GRID2: variants seen among roughly 807,000 people sequenced by gnomAD.
GRID2 encodes glutamate ionotropic receptor delta type subunit 2.
GRID2 carries 33 observed loss-of-function variants against 114.8 expected under a neutral mutation model. That is an observed-to-expected ratio of 0.29 (90% CI 0.22 to 0.38). The LOEUF is 0.38. GRID2 is among the 10% of genes least tolerant of loss of function. GRID2 has a pLI of 1.00. For synonymous variants in GRID2, 505 were observed against 449.9 expected, an observed-to-expected ratio of 1.12 and a Z score of -1.55; for missense variants, 1,184 against 1,257.7, an observed-to-expected ratio of 0.94 and a Z score of 0.89.
At chr4:93,747,723 A>G (rs982464929) in intron 14 of GRID2, among the ~76,000 whole-genome samples, 9 of 152,068 alleles carry the variant, frequency 5.9e-5, no homozygotes, top group Non-Finnish European at 1.3e-4. Context: ...CATACTAAAA[A>G]TCAATGTCAA....
chr4:92,590,041 T>C (rs1192663356), intron 1 of GRID2, 90 bp from the exon 2 acceptor site: 7 of 852,248 alleles, frequency 8.2e-6, no homozygotes, highest in East Asian at 2.5e-5. Context: ...GTATATGTTT[T>C]TTAAACACAT....
intron 1 of GRID2, among the ~76,000 whole-genome samples, chr4:92,383,753 A>T (rs1387179627): frequency 6.6e-6 from 1 of 151,920 alleles, no homozygotes; most frequent in Non-Finnish European, 1.5e-5. Context: ...TTCAAGCTTC[A>T]CTATAAAGTG....
intron 2 of GRID2, among the ~76,000 whole-genome samples, chr4:92,618,225 A>G (rs920646842): frequency 6.6e-6 from 1 of 151,712 alleles, no homozygotes; most frequent in African/African-American, 2.4e-5. Flanking sequence ...TTTTCTGCCT[A>G]TGGATATCCA....
chr4:93,341,346 ACAGAGT>A (rs1357956966), intron 8 of GRID2, among the ~76,000 whole-genome samples: 1 of 150,736 alleles, frequency 6.6e-6, no homozygotes, highest in Non-Finnish European at 1.5e-5. Flanking sequence ...TTTCTTTGAG[ACAGAGT>A]CTCACTCTGT....
At chr4:92,427,323 GA>G (rs1732211034) in intron 1 of GRID2, among the ~76,000 whole-genome samples, 1 of 152,006 alleles carries the variant, frequency 6.6e-6, no homozygotes, top group African/African-American at 2.4e-5. Context: ...ATATTTTGAT[GA>G]ATGAATGAAT....
At chr4:92,917,301 T>G (rs1252347627) in intron 2 of GRID2, among the ~76,000 whole-genome samples, 3 of 152,302 alleles carry the variant, frequency 2.0e-5, no homozygotes, top group African/African-American at 4.8e-5. Flanking sequence ...TTTCTCCCAT[T>G]CTGTAGGTTG....
intron 1 of GRID2, among the ~76,000 whole-genome samples, chr4:92,479,037 C>T (rs1025386134): frequency 4.6e-5 from 7 of 151,960 alleles, no homozygotes; most frequent in African/African-American, 7.3e-5. Context: ...TGTCAAAATT[C>T]GTTACAGTGA....
At chr4:93,040,021 A>T (rs1043162576) in intron 2 of GRID2, among the ~76,000 whole-genome samples, 1 of 152,150 alleles carries the variant, frequency 6.6e-6, no homozygotes, top group Admixed American at 6.6e-5. Context: ...TTGATCTCCC[A>T]AGTTATTTTG....
At chr4:92,327,559 T>C (rs1264502394) in intron 1 of GRID2, among the ~76,000 whole-genome samples, 2 of 152,108 alleles carry the variant, frequency 1.3e-5, no homozygotes, top group Non-Finnish European at 1.5e-5. Context: ...CCTAGTGTTA[T>C]GGAAATTTGC....
intron 2 of GRID2, among the ~76,000 whole-genome samples, chr4:92,645,041 T>C (rs994632823): frequency 6.6e-6 from 1 of 151,588 alleles, no homozygotes; most frequent in Non-Finnish European, 1.5e-5. Context: ...ATAAACATAA[T>C]TGCAATTATA....
chr4:93,090,985 A>G (rs900048323), intron 3 of GRID2, among the ~76,000 whole-genome samples: 4 of 151,962 alleles, frequency 2.6e-5, no homozygotes, highest in African/African-American at 4.8e-5. Flanking sequence ...CTCATTGTCT[A>G]CTCCAGGGGT....
At chr4:92,449,049 T>C (rs1720745031) in intron 1 of GRID2, among the ~76,000 whole-genome samples, 2 of 152,108 alleles carry the variant, frequency 1.3e-5, no homozygotes, top group African/African-American at 4.8e-5. Context: ...CTAGAAATTA[T>C]CGTGCAATAT....
intron 14 of GRID2, among the ~76,000 whole-genome samples, chr4:93,627,089 G>C (rs1742798413): frequency 6.6e-6 from 1 of 151,982 alleles, no homozygotes; most frequent in Admixed American, 6.6e-5. Flanking sequence ...TGAAAGACTT[G>C]GGCCTCAAAG....
intron 8 of GRID2, among the ~76,000 whole-genome samples, chr4:93,257,657 T>G (rs181532450): frequency 1.5e-3 from 221 of 151,728 alleles, no homozygotes; most frequent in Middle Eastern, 0.01. Context: ...CAATGCATTT[T>G]GTATTTTTAA....
chr4:92,390,705 T>A (rs962982557), intron 1 of GRID2, among the ~76,000 whole-genome samples: 7 of 152,154 alleles, frequency 4.6e-5, no homozygotes, highest in Non-Finnish European at 8.8e-5. Context: ...AATTCCAGGA[T>A]CGATGAGAGG....
At chr4:93,754,722 A>G (rs2110292959) in intron 14 of GRID2, among the ~76,000 whole-genome samples, 2 of 152,336 alleles carry the variant, frequency 1.3e-5, no homozygotes, top group Middle Eastern at 6.8e-3. Flanking sequence ...CTCCTATAAT[A>G]AGTATTTCAG....
chr4:92,308,618 C>A (rs1725538370), intron 1 of GRID2, among the ~76,000 whole-genome samples: 1 of 152,160 alleles, frequency 6.6e-6, no homozygotes, highest in Non-Finnish European at 1.5e-5. Flanking sequence ...GGTGTCAACA[C>A]ATTAAAAACA....
chr4:93,284,263 A>G (rs1446462881), intron 8 of GRID2, among the ~76,000 whole-genome samples: 1 of 152,050 alleles, frequency 6.6e-6, no homozygotes, highest in Non-Finnish European at 1.5e-5. Flanking sequence ...TTAAATATAA[A>G]TTGAAAATAT....
At position 92,345,889 on chromosome 4, in the gene GRID2, A is replaced by G. The variant is rs578201012; in HGVS notation, c.88+41145A>G. 7.9e-5 allele frequency among the ~76,000 whole-genome samples: 12 copies of G among 152,302 alleles called. 1 individual carries two copies. In the South Asian group the frequency reaches 2.3e-3, roughly 29 times the overall value. ...AATTAACCCCATAATCAGCATATTC[A>G]ATCATCAATCTTTTTAGTATACAAA... is the stretch of plus-strand genomic sequence containing the variant. On this transcript the variant is annotated intron_variant, in intron 1 of 15. Coordinates refer to ENST00000282020, the MANE Select transcript of GRID2 (RefSeq NM_001510.4).
Sources: allele counts gnomAD v4.1 joint callset (sites outside exome capture counted in the v4.1 genomes callset), GRCh38; gene constraint gnomAD v4.1.1; transcripts MANE v1.5; gene names NCBI Gene and HGNC (gene_info 2026-07-23, HGNC 2026-07-21).